RRM1: variants seen among roughly 807,000 people sequenced by gnomAD.
RRM1 encodes the protein ribonucleoside-diphosphate reductase large subunit.
Under a neutral mutation model 101.5 loss-of-function variants are expected in RRM1, and 19 were observed. The ratio of observed to expected loss-of-function variants is 0.19; its 90% CI spans 0.13 to 0.27. The LOEUF (loss-of-function observed/expected upper bound fraction) is 0.27, where lower values mean the gene tolerates loss of function less well. Ranked by LOEUF, RRM1 falls within the 10% of genes least tolerant of loss-of-function variation. The pLI is 1.00. For missense variants in RRM1, 500 were observed against 962.9 expected (o/e 0.52, Z 6.36); for synonymous variants, 298 against 323.4 (o/e 0.92, Z 0.84).
intron 3 of RRM1, among the ~76,000 whole-genome samples, chr11:4,106,827 T>C (rs969208147): frequency 1.3e-5 from 2 of 152,222 alleles, no homozygotes; most frequent in African/African-American, 4.8e-5. Flanking sequence ...TATTTCTCCA[T>C]GCTGCCTATC....
chr11:4,135,257 A>G lies in RRM1; in HGVS notation c.2177A>G (p.Tyr726Cys), dbSNP rs1324278325. Residue 726 changes from tyrosine (Y) to cysteine (C), a missense_variant, in exon 18 of 19, where the codon TAC becomes TGC. Tyr to Cys is a radical substitution (Grantham distance 194, BLOSUM62 -2). Around this residue, in one of 9 missense-constraint regions of RRM1, gnomAD observed 79 missense variants for 176.4 expected, o/e 0.45. Coordinates refer to ENST00000300738, the MANE Select transcript of RRM1 (RefSeq NM_001033.5). The part of the protein sequence containing the change: ...NYGKLTSMHF[Y>C]GWKQGLKTGM... ...GGCAAACTCACTAGTATGCACTTCT[A>G]CGGCTGGAAGCAGGTTGGTAGAGAA... is the stretch of plus-strand genomic sequence containing the variant. 2 of 1,606,808 alleles carry G rather than the reference A, an allele frequency of 1.2e-6. No homozygotes were observed. The highest frequency in any genetic ancestry group is 2.7e-5 in the African/African-American group (2 of 74,816).
At chr11:4,103,599 G>T (rs61897259) in intron 2 of RRM1, among the ~76,000 whole-genome samples, 6,627 of 152,046 alleles carry the variant, frequency 0.044, 272 homozygotes, top group East Asian at 0.19. Context: ...CCAGCACTTT[G>T]GGAGACTGAG....
At chr11:4,100,993 G>A (rs890189150) in intron 1 of RRM1, among the ~76,000 whole-genome samples, 1 of 151,990 alleles carries the variant, frequency 6.6e-6, no homozygotes, top group African/African-American at 2.4e-5. Flanking sequence ...TGTCTAGAAG[G>A]ACAAAGATAT....
rs1476233663 is a variant in RRM1, at chr11:4,100,120, G to T, written c.20-1873G>T. Among the ~76,000 whole-genome samples, 3 of 152,226 alleles carry T rather than the reference G, an allele frequency of 2.0e-5. No homozygotes were observed. In the East Asian group the frequency reaches 5.8e-4, roughly 29 times the overall value. On this transcript the variant is annotated intron_variant, in intron 1 of 18. Transcript: ENST00000300738. ...GCCTGATGAGAAAATTATCACAATG[G>T]TGATCAGAAAGAGAGGGGCTAACAT...
chr11:4,138,464 A>T lies in RRM1; in HGVS notation c.*81A>T. The T allele has an allele frequency of 9.0e-7, 1 of 1,107,482 alleles. No homozygotes were observed. The highest frequency in any genetic ancestry group is 2.1e-4 in the Middle Eastern group (1 of 4,760). The allele number at this position is 1,107,482 out of a possible 1,614,324, so 68.6% of individuals were successfully genotyped here. ...TAGATAGGTATAGTGGGTTTGCTTG[A>T]GGTGGTAAGGCTTTGCTGGACCCTG... On this transcript the variant is annotated 3_prime_UTR_variant, in exon 19 of 19. Coordinates refer to ENST00000300738, the MANE Select transcript of RRM1 (RefSeq NM_001033.5).
chr11:4,109,590 T>C, intron 4 of RRM1, 54 bp from the exon 5 acceptor site: 1 of 1,450,890 alleles, frequency 6.9e-7, no homozygotes, highest in Non-Finnish European at 9.5e-7. Flanking sequence ...AGAGATTTTG[T>C]GAAAATAAGT....
chr11:4,117,981 A>G (rs994429138), intron 7 of RRM1, among the ~76,000 whole-genome samples: 1 of 152,200 alleles, frequency 6.6e-6, no homozygotes, highest in East Asian at 1.9e-4. Context: ...AAAGACGGTG[A>G]TGTATGTTTA....
Position 4,114,424 on chromosome 11 carries a change from C to T in RRM1, c.650+2362C>T, listed in dbSNP as rs577511560. On this transcript the variant is annotated intron_variant, in intron 7 of 18. Coordinates refer to ENST00000300738, the MANE Select transcript of RRM1 (RefSeq NM_001033.5). ...AAAATTAGCTGGGTATGGTGGCAGG[C>T]GCCTGTAATCCACTACTTGGGAGGC... 7.9e-5 allele frequency among the ~76,000 whole-genome samples: 12 copies of T among 151,266 alleles called. No homozygotes were observed. The South Asian group carries it at 2.1e-3, about 26-fold the overall frequency.
chr11:4,103,529 GCATC>G (rs1318265969), intron 2 of RRM1, among the ~76,000 whole-genome samples: 6 of 152,176 alleles, frequency 3.9e-5, no homozygotes, highest in Admixed American at 3.9e-4. Flanking sequence ...GAATGTTGCA[GCATC>G]CTCAAACTTC....
Position 4,094,850 on chromosome 11 carries a change from G to A in RRM1, c.-163G>A, listed in dbSNP as rs2094540698. ...GCGGGAAGGGGATTTGGATTGTTGCGCCTCTGCTCTGAAGAAAGTGCTGTC... is the reference window on the plus strand; with the variant it reads ...GCGGGAAGGGGATTTGGATTGTTGCACCTCTGCTCTGAAGAAAGTGCTGTC... On this transcript the variant is annotated 5_prime_UTR_variant, in exon 1 of 19. Coordinates refer to ENST00000300738, the MANE Select transcript of RRM1 (RefSeq NM_001033.5). 1.5e-6 allele frequency: 1 copy of A among 684,162 alleles called. No individual in the cohort carries two copies. The highest frequency in any genetic ancestry group is 2.5e-6 in the Non-Finnish European group (1 of 393,670). 42.4% of individuals were successfully genotyped at this position (684,162 alleles called of 1,614,324 possible). A position where few individuals can be genotyped will look rare whatever the true frequency, so the allele number is the denominator to read the frequency against.
chr11:4,108,262 G>A (rs971772701), intron 4 of RRM1, among the ~76,000 whole-genome samples: 3 of 152,278 alleles, frequency 2.0e-5, no homozygotes, highest in African/African-American at 4.8e-5. Flanking sequence ...TTTATTTACC[G>A]TGTATATCTG....
rs2094576787 is a variant in RRM1, at chr11:4,118,313, C to T, written c.651-7C>T. On this transcript the variant is annotated splice_region_variant and splice_polypyrimidine_tract_variant and intron_variant, in intron 7 of 18. Transcript: ENST00000300738. ...TGCTCTAAGTTGAGACATTTTTTCC[C>T]CCGTAGCTGTTTTCTTCTGAGTATG... 6 of 1,605,988 alleles carry T rather than the reference C, an allele frequency of 3.7e-6. No individual in the cohort carries two copies. The highest frequency in any genetic ancestry group is 2.7e-5 in the African/African-American group (2 of 74,576).
intron 5 of RRM1, 36 bp downstream of exon 5, chr11:4,109,739 C>T (rs762999982): frequency 6.8e-7 from 1 of 1,479,378 alleles, no homozygotes; most frequent in Non-Finnish European, 9.3e-7. Flanking sequence ...GGAATTTATA[C>T]TTAAATCATG....
At chr11:4,135,562 G>A (rs751359532) in intron 18 of RRM1, among the ~76,000 whole-genome samples, 63 of 152,104 alleles carry the variant, frequency 4.1e-4, no homozygotes, top group Middle Eastern at 3.4e-3. Flanking sequence ...TTGTTCCTTT[G>A]TATTATTTCT....
chr11:4,125,096 G>A (rs2094587521), intron 12 of RRM1, among the ~76,000 whole-genome samples: 2 of 151,790 alleles, frequency 1.3e-5, no homozygotes, highest in Non-Finnish European at 2.9e-5. Context: ...TGTATTTTTA[G>A]TAGGGACGAG....
At chr11:4,117,726 A>G (rs2094575665) in intron 7 of RRM1, among the ~76,000 whole-genome samples, 2 of 152,362 alleles carry the variant, frequency 1.3e-5, no homozygotes, top group Middle Eastern at 3.4e-3. Flanking sequence ...GAATATTTAT[A>G]TAAACACCTA....
At chr11:4,114,927 G>C (rs924736649) in intron 7 of RRM1, among the ~76,000 whole-genome samples, 6 of 152,096 alleles carry the variant, frequency 3.9e-5, no homozygotes, top group Non-Finnish European at 8.8e-5. Flanking sequence ...TGGCCAGGCT[G>C]ATCTCAAACT....
chr11:4,109,778 GAC>G (rs1195134531), intron 5 of RRM1, 75 bp downstream of exon 5: 7 of 1,294,296 alleles, frequency 5.4e-6, no homozygotes, highest in African/African-American at 1.5e-5. Flanking sequence ...ATGTTTTGGT[GAC>G]AGTTATCAAG....
At chr11:4,100,115 C>T (rs1403868544) in intron 1 of RRM1, among the ~76,000 whole-genome samples, 1 of 152,164 alleles carries the variant, frequency 6.6e-6, no homozygotes, top group African/African-American at 2.4e-5. Context: ...AAAATTATCA[C>T]AATGGTGATC....
Sources: gnomAD v4.1 joint callset for allele counts (sites outside exome capture counted in the v4.1 genomes callset) on GRCh38, gnomAD v4.1.1 for gene constraint, gnomAD v4.1.1 regional missense constraint, MANE v1.5 for transcripts, NCBI Gene and HGNC (gene_info 2026-07-23, HGNC 2026-07-21) for gene names.